Variants in RALGAPB observed in about 807,000 individuals in gnomAD.
RALGAPB encodes ral GTPase-activating protein subunit beta.
RALGAPB carries 25 observed loss-of-function variants against 161.1 expected under a neutral mutation model. That is an observed-to-expected ratio of 0.16 (90% confidence interval 0.11 to 0.22). The LOEUF (loss-of-function observed/expected upper bound fraction) is 0.22. RALGAPB is among the 10% of genes least tolerant of loss of function. RALGAPB has a pLI of 1.00. For missense variants in RALGAPB, 1,391 were observed against 1,815.2 expected, an observed-to-expected ratio of 0.77 and a Z score of 4.25; for synonymous variants, 629 against 626.1, an observed-to-expected ratio of 1.00 and a Z score of -0.07.
At chr20:38,521,066 A>G (rs556084754) in intron 9 of RALGAPB, among the ~76,000 whole-genome samples, 2 of 152,314 alleles carry the variant, frequency 1.3e-5, no homozygotes, top group East Asian at 3.9e-4. Context: ...AGGGTTGCCC[A>G]TTTAATTAGG....
chr20:38,512,384 T>C (rs1182347662), intron 6 of RALGAPB, among the ~76,000 whole-genome samples: 4 of 152,242 alleles, frequency 2.6e-5, no homozygotes, highest in Admixed American at 6.5e-5. Context: ...ATTCTGCTAG[T>C]TTTTTCTTTG....
intron 23 of RALGAPB, 53 bp downstream of exon 23, chr20:38,558,506 G>A (rs542583655): frequency 1.5e-5 from 21 of 1,370,270 alleles, no homozygotes; most frequent in Middle Eastern, 4.1e-4. Context: ...ATAAATACAC[G>A]TCTAAAGAAA....
At chr20:38,516,108 T>C in intron 6 of RALGAPB, 84 bp from the exon 7 acceptor site, 1 of 1,072,618 alleles carries the variant, frequency 9.3e-7, no homozygotes, top group Non-Finnish European at 1.3e-6. Flanking sequence ...ATAGGCACAG[T>C]CCTATTCTTA....
intron 9 of RALGAPB, among the ~76,000 whole-genome samples, chr20:38,518,350 C>A (rs2086193811): frequency 6.6e-6 from 1 of 152,142 alleles, no homozygotes; most frequent in South Asian, 2.1e-4. Context: ...AAAATTCGAA[C>A]TGGAAATTTA....
chr20:38,511,695 A>G (rs2085960768), intron 6 of RALGAPB, among the ~76,000 whole-genome samples: 4 of 152,360 alleles, frequency 2.6e-5, no homozygotes, highest in Admixed American at 2.6e-4. Flanking sequence ...AATTTTTCTT[A>G]GTACAGAACA....
chr20:38,577,363 T>TA lies in RALGAPB; in HGVS notation c.*2399dup, dbSNP rs1251093604. The TA allele has an allele frequency of 2.0e-5, 3 of 152,330 alleles. No individual in the cohort carries two copies. In the East Asian group the frequency reaches 5.8e-4, roughly 29 times the overall value. The allele number at this position is 152,330 out of a possible 1,614,324, so 9.4% of individuals were successfully genotyped here. A position where few individuals can be genotyped will look rare whatever the true frequency, so the allele number is the denominator to read the frequency against. ...ATATTAATATTTAGTAGTCCATTGATAAATTTGCCAGCATATGTTCTAGCC... is the reference window on the plus strand; with the variant it reads ...ATATTAATATTTAGTAGTCCATTGATAAAATTTGCCAGCATATGTTCTAGCC... On this transcript the variant is annotated 3_prime_UTR_variant, in exon 30 of 30. Transcript: ENST00000262879.
chr20:38,548,642 T>C, intron 19 of RALGAPB, 47 bp from the exon 20 acceptor site: 5 of 1,416,100 alleles, frequency 3.5e-6, no homozygotes, highest in Non-Finnish European at 4.9e-6. Flanking sequence ...TTATTTTAAA[T>C]GGTTGTTGTC....
At chr20:38,561,665 C>T (rs753728464) in intron 23 of RALGAPB, among the ~76,000 whole-genome samples, 35 of 152,156 alleles carry the variant, frequency 2.3e-4, no homozygotes, top group Non-Finnish European at 1.5e-4. Flanking sequence ...TTTTATTTTT[C>T]ATTTGCAAGG....
At chr20:38,514,791 T>G (rs544673032) in intron 6 of RALGAPB, among the ~76,000 whole-genome samples, 3 of 152,244 alleles carry the variant, frequency 2.0e-5, no homozygotes, top group Non-Finnish European at 2.9e-5. Flanking sequence ...TTCAGTAAAT[T>G]TAGGTCTAAT....
At chr20:38,563,430 A>G (rs1269389446) in intron 24 of RALGAPB, among the ~76,000 whole-genome samples, 3 of 152,220 alleles carry the variant, frequency 2.0e-5, no homozygotes, top group African/African-American at 4.8e-5. Flanking sequence ...GGGATATTAT[A>G]CCAAAACCTT....
chr20:38,548,780 A>C lies in RALGAPB; in HGVS notation c.2994A>C (p.Ala998=), dbSNP rs805548. 2 of 1,611,990 alleles carry C rather than the reference A, an allele frequency of 1.2e-6. No homozygotes were observed. Among genetic ancestry groups the C allele is most frequent in the Non-Finnish European group, 1.7e-6 (2 of 1,178,108 alleles). ...AGCTTTGTCTTTTACCCAGAGGAGCAAAAGCAAATCAGAAGGTATTCATCA... is the reference window on the plus strand; with the variant it reads ...AGCTTTGTCTTTTACCCAGAGGAGCCAAAGCAAATCAGAAGGTATTCATCA... ...AQQLCLLPRG[A]KANQKLFVPE... The change falls in exon 20 of 30, where the codon GCA becomes GCC. Residue 998 remains alanine, a synonymous_variant. Transcript: ENST00000262879.
intron 6 of RALGAPB, among the ~76,000 whole-genome samples, chr20:38,512,753 A>G (rs749896442): frequency 1.3e-5 from 2 of 151,910 alleles, no homozygotes; most frequent in African/African-American, 4.8e-5. Flanking sequence ...TAAAAATTTT[A>G]TTTATTTTTA....
rs1169596044 is a variant in RALGAPB at position 38,473,034 on chromosome 20, C to T, written c.-66C>T. On this transcript the variant is annotated 5_prime_UTR_variant, in exon 1 of 30. Transcript: ENST00000262879. ...GGCCGAGGACGGCCGGCGGCGGCGCCCGCCCCGGCGATGCGGGCCCCGCCC... is the reference window on the plus strand; with the variant it reads ...GGCCGAGGACGGCCGGCGGCGGCGCTCGCCCCGGCGATGCGGGCCCCGCCC... 2 of 387,852 alleles carry T rather than the reference C, an allele frequency of 5.2e-6. No individual in the cohort carries two copies. Among genetic ancestry groups the T allele is most frequent in the Non-Finnish European group, 9.1e-6 (2 of 219,014 alleles). The allele number at this position is 387,852 out of a possible 1,614,324, so 24.0% of individuals were successfully genotyped here.
intron 13 of RALGAPB, among the ~76,000 whole-genome samples, chr20:38,528,345 TTTTATTTA>T (rs55916951): frequency 0.17 from 25,093 of 147,168 alleles, 2,289 homozygotes; most frequent in African/African-American, 0.25. Flanking sequence ...TTCATTTTAT[TTTTATTTA>T]TTTATTTATT....
In RALGAPB at chr20:38,574,293, C is replaced by T; in HGVS notation, c.4286C>T (p.Ala1429Val). 1.9e-6 allele frequency: 3 copies of T among 1,609,180 alleles called. No individual in the cohort carries two copies. The highest frequency in any genetic ancestry group is 2.5e-6 in the Non-Finnish European group (3 of 1,178,272). Residue 1429 changes from alanine to valine, a missense_variant, in exon 29 of 30, where the codon GCT becomes GTT. Ala to Val is a moderately conservative substitution (Grantham distance 64, BLOSUM62 0). Coordinates refer to ENST00000262879, the MANE Select transcript of RALGAPB (RefSeq NM_020336.4). Reference sequence around the variant, plus strand: ...GATGGGATGATTGTCAGCAGGCGAGCTCTTGGTAAGGTCTTCATATGTGGC... The same window carrying T: ...GATGGGATGATTGTCAGCAGGCGAGTTCTTGGTAAGGTCTTCATATGTGGC... Reference protein sequence around the residue: ...LVDGMIVSRRALGFLVRQTVI... With the variant: ...LVDGMIVSRRVLGFLVRQTVI...
intron 6 of RALGAPB, among the ~76,000 whole-genome samples, chr20:38,509,892 G>A (rs1378865968): frequency 6.6e-6 from 1 of 151,966 alleles, no homozygotes; most frequent in Non-Finnish European, 1.5e-5. Flanking sequence ...CTTTTTATAA[G>A]TTAGGTATGT....
chr20:38,551,257 A>T lies in RALGAPB; in HGVS notation c.3162+34A>T, dbSNP rs774474435. The T allele has an allele frequency of 3.8e-6, 6 of 1,595,608 alleles. No homozygotes were observed. In the Admixed American group the frequency reaches 8.4e-5, roughly 22 times the overall value. On this transcript the variant is annotated intron_variant, in intron 21 of 29. Coordinates refer to ENST00000262879, the MANE Select transcript of RALGAPB (RefSeq NM_020336.4). ...ATTATTTTTAGCTGTTGTCAAGGGG[A>T]TGAATAGAAACATTCTTACGACTTC...
intron 4 of RALGAPB, among the ~76,000 whole-genome samples, chr20:38,498,048 G>A (rs2085476738): frequency 7.8e-6 from 1 of 128,240 alleles, no homozygotes; most frequent in African/African-American, 2.9e-5. Flanking sequence ...CAGCCTGGGC[G>A]ACAAGAGCAA....
intron 5 of RALGAPB, among the ~76,000 whole-genome samples, chr20:38,504,891 A>G (rs2085710909): frequency 6.6e-6 from 1 of 152,228 alleles, no homozygotes; most frequent in African/African-American, 2.4e-5. Context: ...ATCTCACACC[A>G]GGCAGAATGG....
Sources: gnomAD v4.1 joint callset for allele counts (sites outside exome capture counted in the v4.1 genomes callset) on GRCh38, gnomAD v4.1.1 for gene constraint, MANE v1.5 for transcripts, NCBI Gene and HGNC (gene_info 2026-07-23, HGNC 2026-07-21) for gene names.